The following TMEM132D variants were observed in gnomAD, a reference collection of about 807,000 sequenced individuals.
TMEM132D encodes the protein mature OL transmembrane protein.
In TMEM132D, 21 loss-of-function variants were observed where a neutral mutation model predicts 62.3. That is an observed-to-expected ratio of 0.34 (90% confidence interval 0.24 to 0.49). TMEM132D has a LOEUF of 0.49. Ranked by LOEUF, TMEM132D falls within the 20% of genes least tolerant of loss-of-function variation. The pLI, the probability that TMEM132D is intolerant of heterozygous loss-of-function variation, is 0.99. For missense variants in TMEM132D, 1,346 were observed against 1,402.8 expected (o/e 0.96, Z 0.65); for synonymous variants, 621 against 575.6 (o/e 1.08, Z -1.13).
Position 129,326,817 on chromosome 12 carries a change from T to C in TMEM132D, c.1299+10817A>G, listed in dbSNP as rs142720944. ...TAACATAATCTACCAATACACATAT[T>C]TTAAAAATTGGTATAATATTTTCAC... is the stretch of plus-strand genomic sequence containing the variant. On this transcript the variant is annotated intron_variant, in intron 4 of 8. Coordinates refer to ENST00000422113, the MANE Select transcript of TMEM132D (RefSeq NM_133448.3). Among the ~76,000 whole-genome samples, 908 of 152,230 alleles carry C rather than the reference T, an allele frequency of 6.0e-3. 10 individuals are homozygous for C. Among genetic ancestry groups the C allele is most frequent in the African/African-American group, 0.021 (876 of 41,546 alleles).
intron 4 of TMEM132D, among the ~76,000 whole-genome samples, chr12:129,244,540 G>A (rs1880039143): frequency 6.6e-6 from 1 of 152,174 alleles, no homozygotes; most frequent in South Asian, 2.1e-4. Context: ...CCATGCAAAG[G>A]CCTTGTGAGA....
At chr12:129,545,603 C>A (rs2137101329) in intron 2 of TMEM132D, among the ~76,000 whole-genome samples, 1 of 152,232 alleles carries the variant, frequency 6.6e-6, no homozygotes, top group Admixed American at 6.5e-5. Context: ...ATGCCCATTG[C>A]ACAGCAACTC....
chr12:129,111,319 G>A (rs1875693664), intron 5 of TMEM132D: 1 of 152,200 alleles, frequency 6.6e-6, no homozygotes. Context: ...GAAGGAGTAT[G>A]GCCCTGCCTA....
chr12:129,156,419 GAACT>G (rs766755337), intron 5 of TMEM132D, among the ~76,000 whole-genome samples: 1 of 151,280 alleles, frequency 6.6e-6, no homozygotes, highest in Non-Finnish European at 1.5e-5. Context: ...ACTCTCATGA[GAACT>G]AACTCACTGT....
chr12:129,525,052 T>A (rs1454336390), intron 3 of TMEM132D, among the ~76,000 whole-genome samples: 3 of 147,414 alleles, frequency 2.0e-5, no homozygotes, highest in East Asian at 2.1e-4. Context: ...CAGCCTCCTG[T>A]GTAGCTGGGA....
chr12:129,122,384 T>A (rs1437179993), intron 5 of TMEM132D, among the ~76,000 whole-genome samples: 1 of 152,186 alleles, frequency 6.6e-6, no homozygotes, highest in Non-Finnish European at 1.5e-5. Context: ...ACTGGAAATG[T>A]CTTCAGAGTA....
intron 2 of TMEM132D, among the ~76,000 whole-genome samples, chr12:129,543,765 T>C (rs1593059619): frequency 6.6e-6 from 1 of 152,306 alleles, no homozygotes; most frequent in African/African-American, 2.4e-5. Flanking sequence ...CACAAATATA[T>C]ACATAAAAAC....
At chr12:129,470,922 A>C (rs1874075782) in intron 3 of TMEM132D, among the ~76,000 whole-genome samples, 1 of 152,168 alleles carries the variant, frequency 6.6e-6, no homozygotes, top group Non-Finnish European at 1.5e-5. Context: ...AATAAGAGGA[A>C]AGAAAGAAGT....
chr12:129,849,357 C>G (rs941396456), intron 1 of TMEM132D, among the ~76,000 whole-genome samples: 16 of 152,186 alleles, frequency 1.1e-4, no homozygotes, highest in African/African-American at 3.4e-4. Context: ...ATAAACCATA[C>G]TTGTTTTTCT....
At chr12:129,450,302 G>A (rs1873234733) in intron 3 of TMEM132D, among the ~76,000 whole-genome samples, 1 of 152,108 alleles carries the variant, frequency 6.6e-6, no homozygotes, top group South Asian at 2.1e-4. Context: ...GAATGGTATT[G>A]CCTAGGTTTT....
chr12:129,146,378 A>G (rs1172177976), intron 5 of TMEM132D, among the ~76,000 whole-genome samples: 3 of 152,066 alleles, frequency 2.0e-5, no homozygotes, highest in Admixed American at 6.6e-5. Context: ...CTCTTTCCCA[A>G]ATTGTCACTA....
chr12:129,623,744 TAC>T (rs1179782613), intron 2 of TMEM132D, among the ~76,000 whole-genome samples: 5 of 123,466 alleles, frequency 4.0e-5, no homozygotes, highest in African/African-American at 1.6e-4. Context: ...TACATATATA[TAC>T]ACATATATAT....
chr12:129,852,648 G>T (rs1428623025), intron 1 of TMEM132D: 1 of 152,226 alleles, frequency 6.6e-6, no homozygotes, highest in Non-Finnish European at 1.5e-5. Context: ...AGGGGGCAGA[G>T]ATTCCCATGG....
At chr12:129,240,007 G>A (rs1415607545) in intron 4 of TMEM132D, among the ~76,000 whole-genome samples, 1 of 152,194 alleles carries the variant, frequency 6.6e-6, no homozygotes, top group African/African-American at 2.4e-5. Context: ...AGAAATGGCT[G>A]TCAGTTTTGC....
intron 5 of TMEM132D, among the ~76,000 whole-genome samples, chr12:129,149,544 A>T (rs1186725739): frequency 6.6e-6 from 1 of 152,180 alleles, no homozygotes; most frequent in Non-Finnish European, 1.5e-5. Flanking sequence ...GAGTCAGGAG[A>T]CGTGTTTCTA....
chr12:129,370,794 G>T (rs940931499), intron 3 of TMEM132D, among the ~76,000 whole-genome samples: 2 of 152,168 alleles, frequency 1.3e-5, no homozygotes, highest in Admixed American at 1.3e-4. Flanking sequence ...GACAAATATT[G>T]TGTGTTCTCA....
At chr12:129,442,975 C>CCCT (rs1048407278) in intron 3 of TMEM132D, among the ~76,000 whole-genome samples, 3 of 152,110 alleles carry the variant, frequency 2.0e-5, no homozygotes, top group Non-Finnish European at 4.4e-5. Context: ...AGATCATGCT[C>CCCT]CCTCCCAGGT....
At chr12:129,747,738 A>G (rs1956636943) in intron 1 of TMEM132D, among the ~76,000 whole-genome samples, 1 of 148,444 alleles carries the variant, frequency 6.7e-6, no homozygotes, top group African/African-American at 2.5e-5. Context: ...ACACACACAC[A>G]CTTGACACAC....
chr12:129,136,971 C>G (rs1426575951), intron 5 of TMEM132D, among the ~76,000 whole-genome samples: 1 of 151,070 alleles, frequency 6.6e-6, no homozygotes, highest in Non-Finnish European at 1.5e-5. Flanking sequence ...TTATCATCAT[C>G]ACCATCAACA....
Sources: gnomAD v4.1 joint callset for allele counts (sites outside exome capture counted in the v4.1 genomes callset) on GRCh38, gnomAD v4.1.1 for gene constraint, MANE v1.5 for transcripts, NCBI Gene and HGNC (gene_info 2026-07-23, HGNC 2026-07-21) for gene names.